Variants in DDAH1 observed in about 807,000 individuals in gnomAD.
DDAH1 encodes dimethylarginine dimethylaminohydrolase 1, also known as N(G),N(G)-dimethylarginine dimethylaminohydrolase 1.
Under a neutral mutation model 28.8 loss-of-function variants are expected in DDAH1, and 19 were observed. That is an observed-to-expected ratio of 0.66 (90% CI 0.46 to 0.97). The LOEUF is 0.97. Among genes scored for constraint, DDAH1 ranks in the 50% least tolerant of loss-of-function variants. The pLI is 0.00. For synonymous variants in DDAH1, 153 were observed against 154.4 expected, an observed-to-expected ratio of 0.99 and a Z score of 0.07; for missense variants, 326 against 375.9, an observed-to-expected ratio of 0.87 and a Z score of 1.10.
intron 1 of DDAH1, among the ~76,000 whole-genome samples, chr1:85,458,389 A>G (rs1387811245): frequency 6.6e-6 from 1 of 151,330 alleles, no homozygotes; most frequent in Admixed American, 6.6e-5. Context: ...TTACTTGATA[A>G]TGACAAAGTG....
chr1:85,437,461 A>G (rs1290848515), intron 1 of DDAH1, among the ~76,000 whole-genome samples: 1 of 152,152 alleles, frequency 6.6e-6, no homozygotes, highest in Non-Finnish European at 1.5e-5. Flanking sequence ...CAGCCTACCC[A>G]ATCTGAAGAC....
chr1:85,476,532 A>G (rs1655811054), intron 2 of DDAH1, among the ~76,000 whole-genome samples: 1 of 151,256 alleles, frequency 6.6e-6, no homozygotes. Context: ...GAGCTTCTTC[A>G]TGTGGCTCAG....
At chr1:85,512,479 A>G (rs1657280748) in intron 1 of DDAH1, among the ~76,000 whole-genome samples, 3 of 152,216 alleles carry the variant, frequency 2.0e-5, no homozygotes, top group Admixed American at 2.0e-4. Flanking sequence ...TATTCAACAT[A>G]GTGTTGGAAG....
chr1:85,484,521 A>G (rs1369142150), intron 2 of DDAH1, among the ~76,000 whole-genome samples: 1 of 152,138 alleles, frequency 6.6e-6, no homozygotes, highest in Admixed American at 6.5e-5. Context: ...TACTTCTAGG[A>G]AACTGTGCTC....
chr1:85,394,866 A>C (rs1651733154), intron 1 of DDAH1, among the ~76,000 whole-genome samples: 1 of 152,210 alleles, frequency 6.6e-6, no homozygotes, highest in Non-Finnish European at 1.5e-5. Flanking sequence ...TTTCCAAGTA[A>C]GTTAGAATAC....
intron 2 of DDAH1, among the ~76,000 whole-genome samples, chr1:85,357,505 C>G: frequency 6.6e-6 from 1 of 152,166 alleles, no homozygotes; most frequent in East Asian, 1.9e-4. Flanking sequence ...GTAAGTAATG[C>G]AAAACATTAT....
At chr1:85,338,697 G>T (rs893536856) in intron 4 of DDAH1, among the ~76,000 whole-genome samples, 6 of 152,078 alleles carry the variant, frequency 3.9e-5, no homozygotes, top group African/African-American at 1.4e-4. Flanking sequence ...TACTGTGTGT[G>T]ATTCTTGGGT....
chr1:85,384,133 C>A (rs1651134053), intron 1 of DDAH1, among the ~76,000 whole-genome samples: 1 of 152,180 alleles, frequency 6.6e-6, no homozygotes, highest in African/African-American at 2.4e-5. Context: ...ATTGTGAGGT[C>A]TCTCCTTTCT....
intron 4 of DDAH1, among the ~76,000 whole-genome samples, chr1:85,338,799 G>C (rs1648287040): frequency 6.6e-6 from 1 of 151,946 alleles, no homozygotes; most frequent in Non-Finnish European, 1.5e-5. Flanking sequence ...CCAGCACTTT[G>C]GGAGGCAGAG....
intron 2 of DDAH1, among the ~76,000 whole-genome samples, chr1:85,484,465 C>G (rs1242326752): frequency 6.6e-6 from 1 of 152,028 alleles, no homozygotes; most frequent in East Asian, 1.9e-4. Flanking sequence ...GACAGTTTTC[C>G]TGCTGATGAG....
At chr1:85,351,443 A>G (rs747691180) in intron 3 of DDAH1, 63 bp downstream of exon 3, 137 of 1,307,594 alleles carry the variant, frequency 1.0e-4, no homozygotes, top group Non-Finnish European at 1.4e-4. Flanking sequence ...CATTGATTCA[A>G]TGGTTCTATG....
intron 2 of DDAH1, among the ~76,000 whole-genome samples, chr1:85,475,650 C>T (rs1376600086): frequency 1.3e-5 from 2 of 152,140 alleles, no homozygotes; most frequent in African/African-American, 4.8e-5. Context: ...TATTTCCCCA[C>T]ACTTTCTTTT....
chr1:85,564,001 G>A (rs532740533), intron 1 of DDAH1, among the ~76,000 whole-genome samples: 17 of 152,064 alleles, frequency 1.1e-4, no homozygotes, highest in East Asian at 3.9e-4. Flanking sequence ...GTGAAACCCC[G>A]TCTCTACTAA....
intron 2 of DDAH1, among the ~76,000 whole-genome samples, chr1:85,491,988 C>A (rs1335469822): frequency 2.6e-5 from 4 of 152,148 alleles, no homozygotes; most frequent in African/African-American, 7.2e-5. Flanking sequence ...TACTAAATTT[C>A]AGGTGCTGGT....
chr1:85,464,616 C>T lies in DDAH1; in HGVS notation c.303+127G>A. 1 of 1,504,026 alleles carries T rather than the reference C, an allele frequency of 6.6e-7. No homozygotes were observed. 93.2% of individuals were successfully genotyped at this position (1,504,026 alleles called of 1,614,324 possible). A position where few individuals can be genotyped will look rare whatever the true frequency, so the allele number is the denominator to read the frequency against. ...CACACACACACACACACACACTCGC[C>T]CCCCGACGGGAAGTTGTGAACTACT... On this transcript the variant is annotated intron_variant, in intron 1 of 5. Coordinates refer to ENST00000284031, the MANE Select transcript of DDAH1 (RefSeq NM_012137.4). The surrounding 1 kb of genome is among the most constrained non-coding windows in gnomAD (Gnocchi z 4.4).
intron 1 of DDAH1, among the ~76,000 whole-genome samples, chr1:85,383,973 G>A (rs1159031520): frequency 1.3e-5 from 2 of 152,080 alleles, no homozygotes; most frequent in Non-Finnish European, 1.5e-5. Context: ...TGTGGTATTT[G>A]CTTTTATTGT....
At chr1:85,390,807 G>C (rs1423858936) in intron 1 of DDAH1, among the ~76,000 whole-genome samples, 1 of 152,132 alleles carries the variant, frequency 6.6e-6, no homozygotes, top group Non-Finnish European at 1.5e-5. Flanking sequence ...CTTCCAGTAT[G>C]CCTGCCTTTT....
intron 1 of DDAH1, among the ~76,000 whole-genome samples, chr1:85,515,879 A>G (rs539326742): frequency 6.6e-6 from 1 of 152,332 alleles, no homozygotes; most frequent in South Asian, 2.1e-4. Flanking sequence ...TAGTTTAAAC[A>G]ACAGAAATGT....
chr1:85,440,329 T>C (rs893202423), intron 1 of DDAH1, among the ~76,000 whole-genome samples: 1 of 152,232 alleles, frequency 6.6e-6, no homozygotes, highest in Non-Finnish European at 1.5e-5. Flanking sequence ...ATCTTCAATC[T>C]TCTTTGGAAT....
Sources: allele counts gnomAD v4.1 joint callset (sites outside exome capture counted in the v4.1 genomes callset), GRCh38; gene constraint gnomAD v4.1.1; non-coding constraint Gnocchi (gnomAD v3.1); transcripts MANE v1.5; gene names NCBI Gene and HGNC (gene_info 2026-07-23, HGNC 2026-07-21).